WWOX: variants seen among roughly 807,000 people sequenced by gnomAD.
WWOX encodes WW domain containing oxidoreductase.
Under a neutral mutation model 46.2 loss-of-function variants are expected in WWOX, and 69 were observed. The observed-to-expected ratio is 1.49, with a 90% CI of 1.23 to 1.82. The LOEUF is 1.82. WWOX is among the 40% of genes most tolerant of loss of function. The pLI, the probability that WWOX is intolerant of heterozygous loss-of-function variation, is 0.00. For missense variants in WWOX, 919 were observed against 542.6 expected, an observed-to-expected ratio of 1.69 and a Z score of -6.89; for synonymous variants, 359 against 202.6, an observed-to-expected ratio of 1.77 and a Z score of -6.56.
intron 8 of WWOX, among the ~76,000 whole-genome samples, chr16:78,734,683 G>T (rs576996506): frequency 4.0e-5 from 6 of 151,780 alleles, no homozygotes; most frequent in Middle Eastern, 3.4e-3. Context: ...TGTGTTTCTG[G>T]GTGAGGTGAA....
chr16:79,182,154 C>T (rs886595232), intron 8 of WWOX, among the ~76,000 whole-genome samples: 4 of 147,892 alleles, frequency 2.7e-5, no homozygotes, highest in African/African-American at 1.0e-4. Flanking sequence ...AAGGGAGGGA[C>T]TCTTGTTCTT....
At chr16:78,832,845 C>A (rs562437845) in intron 8 of WWOX, among the ~76,000 whole-genome samples, 32 of 152,272 alleles carry the variant, frequency 2.1e-4, no homozygotes, top group Middle Eastern at 3.4e-3. Flanking sequence ...AGACAGATGA[C>A]ATCCATTTAT....
At position 79,201,615 on chromosome 16, in the gene WWOX, C is replaced by T. The variant is rs1052436868; in HGVS notation, c.1057-9993C>T. On this transcript the variant is annotated intron_variant, in intron 8 of 8. Transcript: ENST00000566780. ...TGGGAAAAACATCTTCAAACGCAAACGCTGTTTTCCAACCATTAAAAAGTT... is the reference window on the plus strand; with the variant it reads ...TGGGAAAAACATCTTCAAACGCAAATGCTGTTTTCCAACCATTAAAAAGTT... 3.9e-5 allele frequency among the ~76,000 whole-genome samples: 6 copies of T among 152,278 alleles called. No homozygotes were observed. The East Asian group carries it at 9.7e-4, about 25-fold the overall frequency.
intron 5 of WWOX, among the ~76,000 whole-genome samples, chr16:78,353,991 C>T (rs982527548): frequency 2.6e-5 from 4 of 152,206 alleles, no homozygotes; most frequent in Middle Eastern, 3.2e-3. Context: ...CATGCTTTCT[C>T]TCTTTCCAGA....
chr16:78,130,717 C>G (rs552783960), intron 4 of WWOX, among the ~76,000 whole-genome samples: 1 of 152,308 alleles, frequency 6.6e-6, no homozygotes, highest in African/African-American at 2.4e-5. Context: ...CACTGCCACG[C>G]CCTTATTCAG....
chr16:78,798,463 G>A (rs948818661), intron 8 of WWOX, among the ~76,000 whole-genome samples: 32 of 151,994 alleles, frequency 2.1e-4, no homozygotes, highest in African/African-American at 7.7e-4. Flanking sequence ...CCGCTTTTTT[G>A]TTATGTACTC....
intron 5 of WWOX, among the ~76,000 whole-genome samples, chr16:78,374,896 G>A (rs1177497925): frequency 1.3e-5 from 2 of 151,942 alleles, no homozygotes; most frequent in African/African-American, 4.8e-5. Context: ...AGGTTGGCCA[G>A]CCTGGTCTCA....
intron 8 of WWOX, among the ~76,000 whole-genome samples, chr16:78,959,387 G>A (rs2046230607): frequency 6.6e-6 from 1 of 152,210 alleles, no homozygotes; most frequent in African/African-American, 2.4e-5. Flanking sequence ...CCATGTTTTG[G>A]AACTTGACGT....
intron 8 of WWOX, among the ~76,000 whole-genome samples, chr16:78,671,518 T>G (rs573987663): frequency 6.6e-6 from 1 of 152,320 alleles, no homozygotes; most frequent in South Asian, 2.1e-4. Flanking sequence ...TTGTGATGGT[T>G]TAGCTTATTT....
chr16:78,628,409 T>C (rs1454472577), intron 8 of WWOX, among the ~76,000 whole-genome samples: 1 of 152,082 alleles, frequency 6.6e-6, no homozygotes, highest in African/African-American at 2.4e-5. Context: ...AGGTCTGGGG[T>C]TGGGGGATTG....
chr16:78,742,946 G>A (rs1433232405), intron 8 of WWOX, among the ~76,000 whole-genome samples: 1 of 152,118 alleles, frequency 6.6e-6, no homozygotes, highest in African/African-American at 2.4e-5. Context: ...GCCCTGGCTT[G>A]TGGAAGAGTA....
chr16:78,204,905 C>T (rs563131808), intron 5 of WWOX, among the ~76,000 whole-genome samples: 15 of 152,304 alleles, frequency 9.8e-5, no homozygotes, highest in African/African-American at 3.6e-4. Context: ...TTTCTAAGAT[C>T]AGAGAATAGA....
intron 8 of WWOX, among the ~76,000 whole-genome samples, chr16:79,028,670 G>A (rs1408849745): frequency 3.3e-5 from 5 of 151,458 alleles, no homozygotes; most frequent in African/African-American, 4.9e-5. Context: ...TGTTTCTTTC[G>A]ACATTACACA....
intron 8 of WWOX, among the ~76,000 whole-genome samples, chr16:78,977,460 A>G (rs1035733344): frequency 6.6e-6 from 1 of 152,144 alleles, no homozygotes; most frequent in East Asian, 1.9e-4. Context: ...CTATAAGGAG[A>G]TGAGCTCAGT....
At chr16:78,230,711 A>C (rs927338409) in intron 5 of WWOX, among the ~76,000 whole-genome samples, 2 of 152,226 alleles carry the variant, frequency 1.3e-5, no homozygotes, top group African/African-American at 4.8e-5. Context: ...TTCTAAGGTC[A>C]GTGTGAAAGG....
At chr16:79,173,262 C>A (rs1423705399) in intron 8 of WWOX, among the ~76,000 whole-genome samples, 2 of 151,034 alleles carry the variant, frequency 1.3e-5, no homozygotes, top group Non-Finnish European at 2.9e-5. Flanking sequence ...TGGCACATTC[C>A]ACAGGAAGGG....
chr16:78,301,030 A>G (rs892234840), intron 5 of WWOX, among the ~76,000 whole-genome samples: 2 of 152,016 alleles, frequency 1.3e-5, no homozygotes, highest in Admixed American at 6.6e-5. Flanking sequence ...GCATCCATCC[A>G]TCCATCCATC....
At chr16:78,423,353 C>T (rs1250397227) in intron 6 of WWOX, among the ~76,000 whole-genome samples, 2 of 151,994 alleles carry the variant, frequency 1.3e-5, no homozygotes, top group African/African-American at 2.4e-5. Context: ...AGTATTCTAT[C>T]ATATGGATAT....
chr16:78,999,655 A>G (rs1312423750), intron 8 of WWOX, among the ~76,000 whole-genome samples: 1 of 152,160 alleles, frequency 6.6e-6, no homozygotes, highest in African/African-American at 2.4e-5. Flanking sequence ...TATTTATTGT[A>G]TGCACCAGAG....
Sources: allele counts gnomAD v4.1 joint callset (sites outside exome capture counted in the v4.1 genomes callset), GRCh38; gene constraint gnomAD v4.1.1; transcripts MANE v1.5; gene names NCBI Gene and HGNC (gene_info 2026-07-23, HGNC 2026-07-21).